PCLAF: variants seen among roughly 807,000 people sequenced by gnomAD.
PCLAF encodes the protein PCNA-associated factor.
A neutral mutation model predicts 15.1 loss-of-function variants in PCLAF; 12 were observed. The ratio of observed to expected loss-of-function variants is 0.79; its 90% CI spans 0.51 to 1.29. The LOEUF (loss-of-function observed/expected upper bound fraction) is 1.29, where lower values mean the gene tolerates loss of function less well. PCLAF is among the 50% of genes most tolerant of loss of function. The probability of loss-of-function intolerance (pLI) is 0.00; values close to 1 mark genes in which losing one functional copy is unlikely to be tolerated. For missense variants in PCLAF, 116 were observed against 130.9 expected (o/e 0.89, Z 0.56); for synonymous variants, 33 against 47.1 (o/e 0.70, Z 1.22).
rs1476005561 is a variant in PCLAF, at chr15:64,364,411, G to A, written c.*1619C>T. The A allele has an allele frequency of 6.6e-6, 1 of 152,160 alleles. No homozygotes were observed. Among genetic ancestry groups the A allele is most frequent in the Non-Finnish European group, 1.5e-5 (1 of 68,030 alleles). 9.4% of individuals were successfully genotyped at this position (152,160 alleles called of 1,614,324 possible). ...AACAGGCTGCTGCAAAAAGGGTGAT[G>A]AGGAATATTATACCCACTTCTTCAA... On this transcript the variant is annotated 3_prime_UTR_variant, in exon 4 of 4. Transcript: ENST00000300035.
chr15:64,377,652 T>C lies in PCLAF; in HGVS notation c.128-747A>G, dbSNP rs561466924. On this transcript the variant is annotated intron_variant, in intron 2 of 3. Transcript: ENST00000300035. ...ACTAAGGTCATTTAGTTAAAGCACA[T>C]ATAAGAGGCAATGTGAAAGTCTCCA... 4.1e-5 allele frequency among the ~76,000 whole-genome samples: 6 copies of C among 145,356 alleles called. No individual in the cohort carries two copies. In the East Asian group the frequency reaches 6.1e-4, roughly 15 times the overall value.
upstream of PCLAF, chr15:64,381,541 C>T: frequency 2.0e-6 from 3 of 1,489,392 alleles, no homozygotes; most frequent in Non-Finnish European, 2.7e-6. Flanking sequence ...GCCGTTCCCC[C>T]TGAACCAATT....
At chr15:64,374,464 G>A (rs373233879) in intron 3 of PCLAF, among the ~76,000 whole-genome samples, 1 of 151,950 alleles carries the variant, frequency 6.6e-6, no homozygotes, top group Admixed American at 6.6e-5. Flanking sequence ...GTGTGAACCC[G>A]GGAGGTGGAG....
chr15:64,366,949 G>C (rs575106451), intron 3 of PCLAF, among the ~76,000 whole-genome samples: 2 of 151,706 alleles, frequency 1.3e-5, no homozygotes, highest in African/African-American at 4.8e-5. Context: ...CTCCAGCCTC[G>C]GGGACAGAGA....
chr15:64,377,480 AAAAAAAAAATATATATAT>A (rs1262650145), intron 2 of PCLAF, among the ~76,000 whole-genome samples: 2 of 40,304 alleles, frequency 5.0e-5, no homozygotes, highest in Non-Finnish European at 9.8e-5. Flanking sequence ...CAAAAAAAAA[AAAAAAAAAATATATATAT>A]ATATATATAT....
upstream of PCLAF, among the ~76,000 whole-genome samples, chr15:64,383,287 G>A (rs1036266466): frequency 3.3e-5 from 5 of 151,952 alleles, no homozygotes; most frequent in East Asian, 1.9e-4. Context: ...CAAATCAACC[G>A]GAAAAATCCA....
exon 1 of PCLAF, chr15:64,387,495 G>A (rs1596330825): frequency 7.8e-7 from 1 of 1,288,398 alleles, no homozygotes; most frequent in East Asian, 5.5e-5. Flanking sequence ...ATAAAACCAT[G>A]ACGATTAAAA....
chr15:64,381,217 T>C (rs774997542), intron 1 of PCLAF, 109 bp downstream of exon 1: 21 of 1,376,938 alleles, frequency 1.5e-5, no homozygotes, highest in Non-Finnish European at 2.1e-5. Context: ...CCTGGCTAGC[T>C]AGATGAGTTT....
chr15:64,384,517 T>C (rs1010711998), upstream of PCLAF, among the ~76,000 whole-genome samples: 2 of 150,910 alleles, frequency 1.3e-5, no homozygotes, highest in Admixed American at 6.6e-5. Flanking sequence ...CAGAGGCAGG[T>C]AGATCAACTG....
At chr15:64,377,482 AAAAAAAATATATAT>A (rs1255413302) in intron 2 of PCLAF, among the ~76,000 whole-genome samples, 2 of 40,896 alleles carry the variant, frequency 4.9e-5, no homozygotes, top group Non-Finnish European at 9.7e-5. Flanking sequence ...AAAAAAAAAA[AAAAAAAATATATAT>A]ATATATATAT....
chr15:64,384,465 C>T (rs966591322), upstream of PCLAF, among the ~76,000 whole-genome samples: 4 of 151,226 alleles, frequency 2.6e-5, no homozygotes, highest in African/African-American at 4.9e-5. Context: ...AAATCTTGGC[C>T]GGCGCAGTGG....
chr15:64,383,828 C>G (rs1899881894), upstream of PCLAF, among the ~76,000 whole-genome samples: 1 of 151,982 alleles, frequency 6.6e-6, no homozygotes, highest in Non-Finnish European at 1.5e-5. Flanking sequence ...GAAAGAGTAT[C>G]AAATATATAT....
rs1447303217 is a variant in PCLAF at position 64,377,516 on chromosome 15, T to A, written c.128-611A>T. Among the ~76,000 whole-genome samples the A allele has an allele frequency of 4.7e-3, 410 of 88,048 alleles. 45 individuals carry two copies. Among genetic ancestry groups the A allele is most frequent in the African/African-American group, 7.8e-3 (178 of 22,788 alleles). 57.8% of individuals were successfully genotyped at this position (88,048 alleles called of 152,430 possible). ...ATATATATATATATATATATATATATATATATATATATATATATATATTCT... is the reference window on the plus strand; with the variant it reads ...ATATATATATATATATATATATATAAATATATATATATATATATATATTCT... On this transcript the variant is annotated intron_variant, in intron 2 of 3. Coordinates refer to ENST00000300035, the MANE Select transcript of PCLAF (RefSeq NM_014736.6).
chr15:64,382,186 G>A (rs1268728555), upstream of PCLAF, among the ~76,000 whole-genome samples: 3 of 151,884 alleles, frequency 2.0e-5, no homozygotes, highest in Non-Finnish European at 4.4e-5. Flanking sequence ...ACCCCAGGAG[G>A]TCGAGACCAG....
At chr15:64,375,174 G>A (rs1899557576) in intron 3 of PCLAF, among the ~76,000 whole-genome samples, 1 of 151,996 alleles carries the variant, frequency 6.6e-6, no homozygotes, top group African/African-American at 2.4e-5. Context: ...CCCCAGGCTG[G>A]AGTGCAGTGG....
At chr15:64,368,480 T>C (rs573552883) in intron 3 of PCLAF, among the ~76,000 whole-genome samples, 7 of 152,224 alleles carry the variant, frequency 4.6e-5, no homozygotes, top group South Asian at 2.1e-4. Flanking sequence ...GCATCATAAC[T>C]CTGTTAAAGG....
Position 64,367,790 on chromosome 15 carries a change from C to T in PCLAF, c.291-1715G>A, listed in dbSNP as rs145803193. Reference sequence around the variant, plus strand: ...GTCTTGGTCTCTTAACTTCATAATCCGCCTGCCTTGGCCTCTCAAAGTACT... The same window carrying T: ...GTCTTGGTCTCTTAACTTCATAATCTGCCTGCCTTGGCCTCTCAAAGTACT... On this transcript the variant is annotated intron_variant, in intron 3 of 3. Transcript: ENST00000300035. Among the ~76,000 whole-genome samples, 573 of 151,852 alleles carry T rather than the reference C, an allele frequency of 3.8e-3. 5 individuals carry two copies. Among genetic ancestry groups the T allele is most frequent in the African/African-American group, 0.013 (550 of 41,492 alleles).
chr15:64,376,005 T>C (rs1899590412), intron 3 of PCLAF, among the ~76,000 whole-genome samples: 1 of 152,150 alleles, frequency 6.6e-6, no homozygotes, highest in African/African-American at 2.4e-5. Context: ...GGTGGGTAGA[T>C]CACAAAGTCA....
chr15:64,373,431 T>C (rs951152413), intron 3 of PCLAF: 34 of 391,204 alleles, frequency 8.7e-5, no homozygotes, highest in East Asian at 5.7e-4. Context: ...ATTGAACTTC[T>C]AGGCACCATT....
Sources: gnomAD v4.1 joint callset for allele counts (sites outside exome capture counted in the v4.1 genomes callset) on GRCh38, gnomAD v4.1.1 for gene constraint, MANE v1.5 for transcripts, NCBI Gene and HGNC (gene_info 2026-07-23, HGNC 2026-07-21) for gene names.